The following XIRP2 variants were observed in gnomAD, a reference collection of about 807,000 sequenced individuals.
XIRP2 encodes the protein xin actin binding repeat containing 2.
XIRP2 carries 236 observed loss-of-function variants against 277.0 expected under a neutral mutation model. That is an observed-to-expected ratio of 0.85 (90% CI 0.77 to 0.95). The LOEUF (loss-of-function observed/expected upper bound fraction) is 0.95. Ranked by LOEUF, XIRP2 falls within the 40% of genes least tolerant of loss-of-function variation. The pLI, the probability that XIRP2 is intolerant of heterozygous loss-of-function variation, is 0.00. For missense variants in XIRP2, 4,640 were observed against 4,157.5 expected (o/e 1.12, Z -3.19); for synonymous variants, 1,490 against 1,416.5 (o/e 1.05, Z -1.17).
chr2:167,074,355 A>T (rs545769189), intron 2 of XIRP2, among the ~76,000 whole-genome samples: 14 of 152,134 alleles, frequency 9.2e-5, no homozygotes, highest in Non-Finnish European at 2.1e-4. Context: ...CATTTCTCTG[A>T]CTTTTTAAAA....
intron 3 of XIRP2, chr2:167,187,617 T>C: frequency 8.0e-6 from 7 of 871,670 alleles, no homozygotes; most frequent in Non-Finnish European, 9.6e-6. Flanking sequence ...ATGAAGACCA[T>C]AGGTCAAATT....
At chr2:167,054,679 G>T (rs1345072634) in intron 2 of XIRP2, among the ~76,000 whole-genome samples, 1 of 130,980 alleles carries the variant, frequency 7.6e-6, no homozygotes, top group African/African-American at 3.3e-5. Context: ...GTGAGACTCA[G>T]TCGCAAAAAA....
At chr2:167,151,522 G>A (rs1692015832) in intron 3 of XIRP2, among the ~76,000 whole-genome samples, 1 of 151,968 alleles carries the variant, frequency 6.6e-6, no homozygotes, top group Admixed American at 6.6e-5. Context: ...CAACTCTAAG[G>A]GAGGATGTTA....
chr2:166,910,111 A>G (rs1684657927), intron 2 of XIRP2, among the ~76,000 whole-genome samples: 1 of 152,162 alleles, frequency 6.6e-6, no homozygotes, highest in Non-Finnish European at 1.5e-5. Flanking sequence ...TGGTATCGCG[A>G]TGATGCTGGC....
At chr2:167,169,833 A>T (rs1692632755) in intron 3 of XIRP2, among the ~76,000 whole-genome samples, 1 of 152,128 alleles carries the variant, frequency 6.6e-6, no homozygotes, top group Non-Finnish European at 1.5e-5. Context: ...ATTTTTGGAC[A>T]TTGTTGAATA....
intron 2 of XIRP2, among the ~76,000 whole-genome samples, chr2:167,007,901 G>T (rs1687550448): frequency 6.6e-6 from 1 of 151,432 alleles, no homozygotes; most frequent in Non-Finnish European, 1.5e-5. Context: ...AAATAATTAG[G>T]TTATTATTTG....
At chr2:167,093,486 G>A (rs934867485) in intron 2 of XIRP2, among the ~76,000 whole-genome samples, 1 of 151,732 alleles carries the variant, frequency 6.6e-6, no homozygotes, top group Non-Finnish European at 1.5e-5. Context: ...CTCCCCAACA[G>A]GCCCCAGTGT....
intron 2 of XIRP2, among the ~76,000 whole-genome samples, chr2:167,014,083 A>T (rs1427483765): frequency 1.3e-5 from 2 of 151,594 alleles, no homozygotes; most frequent in South Asian, 2.1e-4. Flanking sequence ...TGTTATTGCT[A>T]TTTGCATAGA....
intron 2 of XIRP2, among the ~76,000 whole-genome samples, chr2:167,080,467 T>C (rs1689699477): frequency 6.6e-6 from 1 of 152,032 alleles, no homozygotes; most frequent in African/African-American, 2.4e-5. Flanking sequence ...GGCCAGAATC[T>C]AATGGGATAA....
intron 2 of XIRP2, among the ~76,000 whole-genome samples, chr2:167,031,972 AC>A (rs1368982422): frequency 6.6e-6 from 1 of 152,050 alleles, no homozygotes; most frequent in Non-Finnish European, 1.5e-5. Flanking sequence ...TCATATGGAA[AC>A]AAAAAAGAGC....
intron 2 of XIRP2, among the ~76,000 whole-genome samples, chr2:166,968,107 T>C (rs1574123082): frequency 6.6e-6 from 1 of 151,940 alleles, no homozygotes; most frequent in East Asian, 1.9e-4. Context: ...GCTAAACATA[T>C]AGAAGAAGGT....
At chr2:166,897,016 C>T (rs921420749) in intron 1 of XIRP2, among the ~76,000 whole-genome samples, 2 of 152,132 alleles carry the variant, frequency 1.3e-5, no homozygotes, top group African/African-American at 4.8e-5. Context: ...GTAAGCTATA[C>T]CCTTAAGCTA....
At chr2:167,180,250 A>G (rs1692975958) in intron 3 of XIRP2, among the ~76,000 whole-genome samples, 1 of 151,958 alleles carries the variant, frequency 6.6e-6, no homozygotes, top group Non-Finnish European at 1.5e-5. Context: ...TCACCTCAAA[A>G]ACTTTTTCTT....
chr2:167,132,001 C>T (rs1436023953), intron 2 of XIRP2, among the ~76,000 whole-genome samples: 1 of 152,092 alleles, frequency 6.6e-6, no homozygotes, highest in Non-Finnish European at 1.5e-5. Flanking sequence ...CCCTCTCTCT[C>T]TCATTCTCTC....
At chr2:166,924,457 AT>A (rs1185468184) in intron 2 of XIRP2, among the ~76,000 whole-genome samples, 2 of 151,842 alleles carry the variant, frequency 1.3e-5, no homozygotes, top group East Asian at 3.9e-4. Context: ...CAAGTGTATC[AT>A]TTTTTTCTTT....
At position 166,980,418 on chromosome 2, in the gene XIRP2, A is replaced by AT. The variant is rs201121304; in HGVS notation, c.408+76537dup. Among the ~76,000 whole-genome samples the AT allele has an allele frequency of 3.7e-3, 566 of 151,274 alleles. 10 individuals carry two copies. The highest frequency in any genetic ancestry group is 0.031 in the Admixed American group (474 of 15,136). ...ATTTTAATGCAGTTACTAATATAGT[A>AT]TTTTTTTTTGTTTTGGAGATGGAGT... On this transcript the variant is annotated intron_variant, in intron 2 of 10. Coordinates refer to ENST00000409195, the MANE Select transcript of XIRP2 (RefSeq NM_152381.6).
intron 2 of XIRP2, among the ~76,000 whole-genome samples, chr2:166,986,870 TG>T (rs1687020925): frequency 6.6e-6 from 1 of 152,206 alleles, no homozygotes; most frequent in Admixed American, 6.5e-5. Context: ...TTGCACATAT[TG>T]AGGAAGAAGT....
At chr2:166,985,225 G>A (rs925995990) in intron 2 of XIRP2, among the ~76,000 whole-genome samples, 1 of 152,116 alleles carries the variant, frequency 6.6e-6, no homozygotes, top group Non-Finnish European at 1.5e-5. Context: ...GCAATTGCAA[G>A]TACAGCTTAG....
rs376104244 is a variant in XIRP2 at position 167,258,541 on chromosome 2, T to C, written c.*724T>C. Reference sequence around the variant, plus strand: ...ATCTTAATGACAACAATAATGTGATTGTGCAGAGTGCTGAAAAGGAGAAAA... The same window carrying C: ...ATCTTAATGACAACAATAATGTGATCGTGCAGAGTGCTGAAAAGGAGAAAA... On this transcript the variant is annotated 3_prime_UTR_variant, in exon 11 of 11. Coordinates refer to ENST00000409195, the MANE Select transcript of XIRP2 (RefSeq NM_152381.6). 1.8e-4 allele frequency: 293 copies of C among 1,613,114 alleles called. No homozygotes were observed. The highest frequency in any genetic ancestry group is 2.4e-4 in the Non-Finnish European group (278 of 1,179,564).
Sources: allele counts gnomAD v4.1 joint callset (sites outside exome capture counted in the v4.1 genomes callset), GRCh38; gene constraint gnomAD v4.1.1; transcripts MANE v1.5; gene names NCBI Gene and HGNC (gene_info 2026-07-23, HGNC 2026-07-21).